TTLL9: variants seen among roughly 807,000 people sequenced by gnomAD.
TTLL9 encodes the protein probable tubulin polyglutamylase TTLL9.
TTLL9 carries 47 observed loss-of-function variants against 65.6 expected under a neutral mutation model. The ratio of observed to expected loss-of-function variants is 0.72; its 90% CI spans 0.57 to 0.91. The LOEUF (loss-of-function observed/expected upper bound fraction) is 0.91. TTLL9 is among the 40% of genes least tolerant of loss of function. TTLL9 has a pLI of 0.00. For synonymous variants in TTLL9, 179 were observed against 204.8 expected (o/e 0.87, Z 1.07); for missense variants, 537 against 568.8 (o/e 0.94, Z 0.57).
intron 3 of TTLL9, among the ~76,000 whole-genome samples, chr20:31,897,656 A>G (rs2063406180): frequency 6.6e-6 from 1 of 152,048 alleles, no homozygotes; most frequent in Non-Finnish European, 1.5e-5. Context: ...GAGGCTCATT[A>G]CCGCCTGGCA....
intron 9 of TTLL9, among the ~76,000 whole-genome samples, chr20:31,925,576 C>T (rs1333235903): frequency 1.8e-4 from 28 of 152,132 alleles, no homozygotes. Flanking sequence ...CTTCATCCAG[C>T]CAATGTTCAA....
At chr20:31,909,624 A>G in intron 5 of TTLL9, 113 bp from the exon 6 acceptor site, 1 of 911,704 alleles carries the variant, frequency 1.1e-6, no homozygotes, top group Non-Finnish European at 1.7e-6. Flanking sequence ...TACTGTTGCT[A>G]TTTTGTGGGC....
Position 31,943,370 on chromosome 20 carries a change from T to G in TTLL9, c.*349T>G. 2.9e-6 allele frequency: 1 copy of G among 350,626 alleles called. No individual in the cohort carries two copies. Among genetic ancestry groups the G allele is most frequent in the Non-Finnish European group, 5.5e-6 (1 of 182,242 alleles). 21.7% of individuals were successfully genotyped at this position (350,626 alleles called of 1,614,324 possible). A position where few individuals can be genotyped will look rare whatever the true frequency, so the allele number is the denominator to read the frequency against. The stretch of plus-strand genomic sequence containing the variant: ...GAGCACAGGCCCTACTTGGAGTCAC[T>G]GGGCACCAGGCCTGGTTCCGGGGAT... On this transcript the variant is annotated 3_prime_UTR_variant, in exon 15 of 15. Coordinates refer to ENST00000535842, the MANE Select transcript of TTLL9 (RefSeq NM_001008409.5).
chr20:31,900,182 G>T (rs1439519353), intron 4 of TTLL9, among the ~76,000 whole-genome samples: 1 of 152,184 alleles, frequency 6.6e-6, no homozygotes, highest in Non-Finnish European at 1.5e-5. Context: ...GCCCTGCTGC[G>T]TGGTGCTCAG....
intron 2 of TTLL9, among the ~76,000 whole-genome samples, chr20:31,882,037 C>T (rs2063125085): frequency 6.6e-6 from 1 of 152,130 alleles, no homozygotes; most frequent in Admixed American, 6.5e-5. Context: ...TTTCAAATGA[C>T]CCAGGGGAAA....
At chr20:31,918,761 G>A (rs2123547807) in intron 6 of TTLL9, among the ~76,000 whole-genome samples, 1 of 152,350 alleles carries the variant, frequency 6.6e-6, no homozygotes, top group East Asian at 1.9e-4. Flanking sequence ...ACTGTTGGAA[G>A]CTCCTGATGC....
Position 31,885,501 on chromosome 20 carries a change from G to A in TTLL9, c.70-1695G>A, listed in dbSNP as rs189117828. Among the ~76,000 whole-genome samples, 405 of 152,302 alleles carry A rather than the reference G, an allele frequency of 2.7e-3. 4 individuals are homozygous for A. Among genetic ancestry groups the A allele is most frequent in the African/African-American group, 9.5e-3 (394 of 41,562 alleles). On this transcript the variant is annotated intron_variant, in intron 2 of 14. Transcript: ENST00000535842. ...AAACATATGGAAAATGGAATTGAAAGCATGAGAGAGGATTAAAGATAAAAT... is the reference window on the plus strand; with the variant it reads ...AAACATATGGAAAATGGAATTGAAAACATGAGAGAGGATTAAAGATAAAAT...
chr20:31,890,105 CCTTCCTTCCTTCCTT>C (rs1568753198), intron 3 of TTLL9, among the ~76,000 whole-genome samples: 5 of 45,452 alleles, frequency 1.1e-4, no homozygotes, highest in Non-Finnish European at 1.2e-4. Context: ...TCCCTCCCTT[CCTTCCTTCCTTCCTT>C]CCTTCCTTCC....
At chr20:31,939,769 G>A (rs977091647) in intron 14 of TTLL9, 1 of 152,248 alleles carries the variant, frequency 6.6e-6, no homozygotes, top group African/African-American at 2.4e-5. Flanking sequence ...AGTTTTTATT[G>A]TCATTTTACA....
rs775701861 is a variant in TTLL9, at chr20:31,939,219, C to G, written c.1196C>G (p.Ala399Gly). The change falls in exon 14 of 15, where the codon GCT becomes GGT. Residue 399 changes from alanine to glycine, a missense_variant. By Grantham distance (60) the Ala-to-Gly change is moderately conservative (BLOSUM62 0). Coordinates refer to ENST00000535842, the MANE Select transcript of TTLL9 (RefSeq NM_001008409.5). ...NDGPVSREEGAPDLSGMGNFV... is the reference protein window; with the variant it reads ...NDGPVSREEGGPDLSGMGNFV... Reference sequence around the variant, plus strand: ...GGCCCTGTTAGCAGAGAGGAGGGGGCTCCTGACCTGTCGGGAATGGGAAAC... The same window carrying G: ...GGCCCTGTTAGCAGAGAGGAGGGGGGTCCTGACCTGTCGGGAATGGGAAAC... 2.5e-6 allele frequency: 4 copies of G among 1,613,372 alleles called. No homozygotes were observed. In the South Asian group the frequency reaches 4.4e-5, roughly 18 times the overall value.
intron 3 of TTLL9, among the ~76,000 whole-genome samples, chr20:31,894,263 C>T (rs191831927): frequency 6.6e-6 from 1 of 152,012 alleles, no homozygotes; most frequent in East Asian, 1.9e-4. Context: ...ACCACCATGC[C>T]TGGCTAATTT....
In TTLL9 at chr20:31,870,666, G is replaced by A. The variant is rs1035413729; in HGVS notation, c.-289G>A. ...CGGGCCCACGGCCCGCGGGACAACG[G>A]CAGTTTGTTGGGGCCGCGTGGGGCC... is the stretch of plus-strand genomic sequence containing the variant. On this transcript the variant is annotated 5_prime_UTR_variant, in exon 1 of 15. Coordinates refer to ENST00000535842, the MANE Select transcript of TTLL9 (RefSeq NM_001008409.5). The surrounding 1 kb of genome is among the most constrained non-coding windows in gnomAD (Gnocchi z 6.6). The A allele has an allele frequency of 6.6e-6, 8 of 1,215,704 alleles. No homozygotes were observed. The highest frequency in any genetic ancestry group is 7.5e-5 in the Admixed American group (2 of 26,520). 75.3% of individuals were successfully genotyped at this position (1,215,704 alleles called of 1,614,324 possible). A position where few individuals can be genotyped will look rare whatever the true frequency, so the allele number is the denominator to read the frequency against.
rs6058483 is a variant in TTLL9 at position 31,891,237 on chromosome 20, G to T, written c.113+3998G>T. 2.8e-3 allele frequency among the ~76,000 whole-genome samples: 431 copies of T among 152,230 alleles called. 3 individuals carry two copies. Among genetic ancestry groups the T allele is most frequent in the African/African-American group, 9.9e-3 (413 of 41,532 alleles). The stretch of plus-strand genomic sequence containing the variant: ...CTTTATATTTTTGCCAGTCTGATGT[G>T]TGTGACATAGTCCTTGATCTTTGTA... On this transcript the variant is annotated intron_variant, in intron 3 of 14. Transcript: ENST00000535842.
chr20:31,927,200 A>G (rs1209926991), intron 10 of TTLL9, among the ~76,000 whole-genome samples: 1 of 151,214 alleles, frequency 6.6e-6, no homozygotes, highest in Non-Finnish European at 1.5e-5. Context: ...ACAGACAAGA[A>G]GCTGGGTGCA....
chr20:31,873,270 A>G (rs2062963771), intron 2 of TTLL9, among the ~76,000 whole-genome samples: 1 of 152,168 alleles, frequency 6.6e-6, no homozygotes, highest in African/African-American at 2.4e-5. Context: ...CAACACGTTT[A>G]TTGGGCACTG....
At chr20:31,939,439 T>C in intron 14 of TTLL9, 173 bp downstream of exon 14, 1 of 678,734 alleles carries the variant, frequency 1.5e-6, no homozygotes, top group Middle Eastern at 2.8e-4. Flanking sequence ...TTAAACTTGG[T>C]TTCTAAAAAG....
In TTLL9 at chr20:31,908,852, C is replaced by A. The variant is rs1055579466; in HGVS notation, c.318+150C>A. 7 of 682,952 alleles carry A rather than the reference C, an allele frequency of 1.0e-5. No individual in the cohort carries two copies. The East Asian group carries it at 1.4e-4, about 14-fold the overall frequency. 42.3% of individuals were successfully genotyped at this position (682,952 alleles called of 1,614,324 possible). On this transcript the variant is annotated intron_variant, in intron 5 of 14. Transcript: ENST00000535842. The stretch of plus-strand genomic sequence containing the variant: ...GTCTGCGGGCTAGACCTATGGAGAG[C>A]CAAATGGTTTCAGGGTATAGGGATC...
chr20:31,902,654 G>A (rs2063495269), intron 4 of TTLL9, among the ~76,000 whole-genome samples: 1 of 152,180 alleles, frequency 6.6e-6, no homozygotes, highest in Admixed American at 6.5e-5. Context: ...GAATATTCAT[G>A]TATGAATTTG....
At chr20:31,875,111 T>C (rs2063019317) in intron 2 of TTLL9, among the ~76,000 whole-genome samples, 1 of 152,092 alleles carries the variant, frequency 6.6e-6, no homozygotes, top group Non-Finnish European at 1.5e-5. Flanking sequence ...TTTAGGAAAA[T>C]GTCCAACCTG....
Sources: gnomAD v4.1 joint callset for allele counts (sites outside exome capture counted in the v4.1 genomes callset) on GRCh38, gnomAD v4.1.1 for gene constraint, Gnocchi (gnomAD v3.1) non-coding constraint, MANE v1.5 for transcripts, NCBI Gene and HGNC (gene_info 2026-07-23, HGNC 2026-07-21) for gene names.